VTI1A: variants seen among roughly 807,000 people sequenced by gnomAD.
VTI1A encodes the protein vesicle transport through interaction with t-SNAREs homolog 1A.
A neutral mutation model predicts 34.9 loss-of-function variants in VTI1A; 22 were observed. The ratio of observed to expected loss-of-function variants is 0.63; its 90% confidence interval spans 0.45 to 0.90. The LOEUF is 0.90. VTI1A is among the 40% of genes least tolerant of loss of function. VTI1A has a pLI of 0.00. For missense variants in VTI1A, 268 were observed against 275.6 expected, an observed-to-expected ratio of 0.97 and a Z score of 0.20; for synonymous variants, 87 against 97.3, an observed-to-expected ratio of 0.89 and a Z score of 0.62.
At chr10:112,543,295 CA>C (rs1411713855) in intron 5 of VTI1A, among the ~76,000 whole-genome samples, 1 of 152,156 alleles carries the variant, frequency 6.6e-6, no homozygotes, top group Non-Finnish European at 1.5e-5. Context: ...GTCCCACCAA[CA>C]GTGTAAAAGT....
chr10:112,688,104 C>T (rs558790920), intron 7 of VTI1A, among the ~76,000 whole-genome samples: 21 of 151,976 alleles, frequency 1.4e-4, no homozygotes, highest in South Asian at 1.3e-3. Flanking sequence ...CAGATGTGCG[C>T]CACCATGCCC....
intron 1 of VTI1A, chr10:112,450,079 A>T (rs1184260628): frequency 2.0e-5 from 3 of 149,734 alleles, no homozygotes; most frequent in Non-Finnish European, 3.0e-5. Flanking sequence ...TTTTGTAGAG[A>T]TGGGGTTTTG....
intron 7 of VTI1A, among the ~76,000 whole-genome samples, chr10:112,712,834 T>C (rs1307812150): frequency 2.0e-5 from 3 of 152,204 alleles, no homozygotes; most frequent in African/African-American, 7.2e-5. Flanking sequence ...TATATGCAGA[T>C]TTAATGGCTT....
intron 3 of VTI1A, among the ~76,000 whole-genome samples, chr10:112,504,693 A>T (rs1849367403): frequency 6.6e-6 from 1 of 152,156 alleles, no homozygotes; most frequent in South Asian, 2.1e-4. Context: ...TGCAATACTG[A>T]TCATTCTTTC....
upstream of VTI1A, chr10:112,447,025 C>CGT: frequency 3.6e-6 from 1 of 278,218 alleles, no homozygotes; most frequent in Non-Finnish European, 7.1e-6. Context: ...GGATCCGGAG[C>CGT]CGATTCCCAG....
intron 7 of VTI1A, among the ~76,000 whole-genome samples, chr10:112,772,636 TTATC>T (rs1357008657): frequency 6.6e-6 from 1 of 152,232 alleles, no homozygotes; most frequent in African/African-American, 2.4e-5. Context: ...AAGGACTTAT[TTATC>T]TGTTATCTTC....
chr10:112,608,468 T>C (rs973673036), intron 5 of VTI1A, among the ~76,000 whole-genome samples: 7 of 152,186 alleles, frequency 4.6e-5, no homozygotes, highest in Admixed American at 3.9e-4. Flanking sequence ...TTAAAGTTTG[T>C]AGGTGTTAGT....
the VTI1A span, among the ~76,000 whole-genome samples, chr10:112,835,186 G>A: frequency 6.6e-6 from 1 of 152,138 alleles, no homozygotes; most frequent in African/African-American, 2.4e-5. Flanking sequence ...CTCTCTCATG[G>A]ATGGCAGCCA....
chr10:112,538,967 ATAATCT>A (rs749174116), intron 5 of VTI1A, among the ~76,000 whole-genome samples: 14 of 152,220 alleles, frequency 9.2e-5, no homozygotes, highest in African/African-American at 1.4e-4. Flanking sequence ...TTCAGAAAAC[ATAATCT>A]TAGTATGACT....
intron 7 of VTI1A, among the ~76,000 whole-genome samples, chr10:112,683,968 G>A (rs967619721): frequency 2.0e-5 from 3 of 151,960 alleles, no homozygotes; most frequent in African/African-American, 7.3e-5. Context: ...GCTTGAACCC[G>A]GGAGGTAGAG....
intron 7 of VTI1A, among the ~76,000 whole-genome samples, chr10:112,720,020 C>T (rs1410139748): frequency 1.3e-5 from 2 of 152,180 alleles, no homozygotes; most frequent in African/African-American, 2.4e-5. Context: ...TTGCGTCTGG[C>T]TTCTTTCACT....
intron 7 of VTI1A, among the ~76,000 whole-genome samples, chr10:112,810,747 G>A (rs972465290): frequency 2.0e-5 from 3 of 152,172 alleles, no homozygotes; most frequent in Non-Finnish European, 4.4e-5. Flanking sequence ...ATAGGGAAAC[G>A]AACGCAGCCA....
Position 112,817,207 on chromosome 10 carries a change from T to C in VTI1A, c.*1824T>C, listed in dbSNP as rs1165652043. The C allele has an allele frequency of 8.6e-6, 2 of 232,478 alleles. No homozygotes were observed. Among genetic ancestry groups the C allele is most frequent in the Admixed American group, 1.1e-4 (2 of 17,766 alleles). 14.4% of individuals were successfully genotyped at this position (232,478 alleles called of 1,614,324 possible). A position where few individuals can be genotyped will look rare whatever the true frequency, so the allele number is the denominator to read the frequency against. ...TCGAGTATTACACCAGCCCCTCTGGTGGCTTCCTTCAAAACTGTTGATCTT... is the reference window on the plus strand; with the variant it reads ...TCGAGTATTACACCAGCCCCTCTGGCGGCTTCCTTCAAAACTGTTGATCTT... On this transcript the variant is annotated 3_prime_UTR_variant, in exon 8 of 8. Transcript: ENST00000393077.
intron 5 of VTI1A, among the ~76,000 whole-genome samples, chr10:112,597,693 CTTTTTTTT>C (rs1180451909): frequency 1.1e-5 from 1 of 90,638 alleles, no homozygotes; most frequent in Non-Finnish European, 2.0e-5. Flanking sequence ...GACCTTGTCT[CTTTTTTTT>C]TTTTTTTTTT....
intron 5 of VTI1A, among the ~76,000 whole-genome samples, chr10:112,630,765 A>G (rs893902288): frequency 2.6e-5 from 4 of 152,202 alleles, no homozygotes; most frequent in Admixed American, 2.6e-4. Context: ...AATTTTATTC[A>G]CTGGTTTATG....
chr10:112,709,751 C>T (rs552416328), intron 7 of VTI1A, among the ~76,000 whole-genome samples: 30 of 124,984 alleles, frequency 2.4e-4, no homozygotes, highest in African/African-American at 8.5e-4. Flanking sequence ...AATGCAGTGG[C>T]GCAGTCTTGG....
At position 112,791,719 on chromosome 10, in the gene VTI1A, T is replaced by G. The variant is rs184456504; in HGVS notation, c.561-23571T>G. ...TGCTTGAAGGCAGCCTCCTTTTTTC[T>G]TCCCCCCACAGCACCCCCTCACTTT... On this transcript the variant is annotated intron_variant, in intron 7 of 7. Coordinates refer to ENST00000393077, the MANE Select transcript of VTI1A (RefSeq NM_145206.4). Among the ~76,000 whole-genome samples the G allele has an allele frequency of 4.6e-3, 695 of 152,208 alleles. 2 individuals are homozygous for G. Among genetic ancestry groups the G allele is most frequent in the African/African-American group, 0.016 (675 of 41,522 alleles).
chr10:112,533,569 C>CT (rs536806879), intron 4 of VTI1A: 18,121 of 725,770 alleles, frequency 0.025, 3 homozygotes, highest in South Asian at 0.044. Flanking sequence ...TTCCTAGCTT[C>CT]TTTTTTTTTT....
chr10:112,522,254 A>G (rs1176653521), intron 3 of VTI1A, among the ~76,000 whole-genome samples: 3 of 152,218 alleles, frequency 2.0e-5, no homozygotes, highest in Non-Finnish European at 2.9e-5. Flanking sequence ...TATTAAATAT[A>G]TGGAGACTGA....
Sources: gnomAD v4.1 joint callset for allele counts (sites outside exome capture counted in the v4.1 genomes callset) on GRCh38, gnomAD v4.1.1 for gene constraint, MANE v1.5 for transcripts, NCBI Gene and HGNC (gene_info 2026-07-23, HGNC 2026-07-21) for gene names.